ZFYVE26: variants seen among roughly 807,000 people sequenced by gnomAD.
The protein encoded by ZFYVE26 is zinc finger FYVE domain-containing protein 26.
In ZFYVE26, 181 loss-of-function variants were observed where a neutral mutation model predicts 276.5. The ratio of observed to expected loss-of-function variants is 0.65; its 90% CI spans 0.58 to 0.74. The LOEUF (loss-of-function observed/expected upper bound fraction) is 0.74, where lower values mean the gene tolerates loss of function less well. ZFYVE26 is among the 30% of genes least tolerant of loss of function. ZFYVE26 has a pLI of 0.00. For synonymous variants in ZFYVE26, 1,129 were observed against 1,203.1 expected (o/e 0.94, Z 1.27); for missense variants, 2,821 against 3,097.9 (o/e 0.91, Z 2.12).
At chr14:67,749,036 T>C (rs1594878673) in intron 41 of ZFYVE26, among the ~76,000 whole-genome samples, 2 of 152,170 alleles carry the variant, frequency 1.3e-5, no homozygotes, top group East Asian at 3.9e-4. Context: ...TGGTTATGCC[T>C]GTCTCCTTGA....
intron 28 of ZFYVE26, among the ~76,000 whole-genome samples, chr14:67,770,647 C>T (rs2039185606): frequency 6.6e-6 from 1 of 152,042 alleles, no homozygotes; most frequent in African/African-American, 2.4e-5. Flanking sequence ...CCAAGCTCAT[C>T]AGGTTATTGT....
At chr14:67,790,912 G>A (rs2039797660) in intron 14 of ZFYVE26, 139 bp from the exon 15 acceptor site, 1 of 773,448 alleles carries the variant, frequency 1.3e-6, no homozygotes, top group East Asian at 2.6e-5. Flanking sequence ...AGCACTGAAT[G>A]TTAGAAGAGC....
In ZFYVE26 at chr14:67,815,992, A is replaced by G; in HGVS notation, c.-29T>C. On this transcript the variant is annotated 5_prime_UTR_variant, in exon 2 of 42. Coordinates refer to ENST00000347230, the MANE Select transcript of ZFYVE26 (RefSeq NM_015346.4). ...CCCAGCACAGAGTGCAGGGAGATAC[A>G]AAGAAATGAGTTATGCCGAACACAT... is the stretch of plus-strand genomic sequence containing the variant. The G allele has an allele frequency of 4.4e-6, 7 of 1,575,728 alleles. No homozygotes were observed. Among genetic ancestry groups the G allele is most frequent in the African/African-American group, 1.4e-5 (1 of 73,990 alleles).
intron 33 of ZFYVE26, 39 bp downstream of exon 33, chr14:67,762,633 G>C (rs1002453667): frequency 1.9e-6 from 3 of 1,610,606 alleles, no homozygotes; most frequent in Non-Finnish European, 2.5e-6. Context: ...ACTTGCTACA[G>C]TGGGGTGGAA....
At chr14:67,778,327 C>T (rs2039404817) in intron 23 of ZFYVE26, 79 bp from the exon 24 acceptor site, 2 of 1,594,030 alleles carry the variant, frequency 1.3e-6, no homozygotes, top group South Asian at 1.1e-5. Flanking sequence ...CTACAAAGCC[C>T]CAGGAATGTT....
intron 39 of ZFYVE26, among the ~76,000 whole-genome samples, chr14:67,752,850 G>A (rs1260203703): frequency 2.0e-5 from 3 of 152,156 alleles, no homozygotes; most frequent in Non-Finnish European, 4.4e-5. Flanking sequence ...TTGGGGGATG[G>A]TATTTGCTGC....
intron 13 of ZFYVE26, among the ~76,000 whole-genome samples, chr14:67,734,822 C>G (rs1203828811): frequency 6.6e-6 from 1 of 152,192 alleles, no homozygotes; most frequent in Non-Finnish European, 1.5e-5. Flanking sequence ...CTGCGTTATC[C>G]CCATCTCCTT....
At chr14:67,759,350 G>C (rs1023175631) in intron 35 of ZFYVE26, among the ~76,000 whole-genome samples, 1 of 151,712 alleles carries the variant, frequency 6.6e-6, no homozygotes, top group Non-Finnish European at 1.5e-5. Flanking sequence ...ATGGTGGCCA[G>C]GCGCGGTGGC....
At chr14:67,774,139 G>A (rs1043780682) in intron 27 of ZFYVE26, among the ~76,000 whole-genome samples, 1 of 152,162 alleles carries the variant, frequency 6.6e-6, no homozygotes, top group Admixed American at 6.5e-5. Flanking sequence ...GCAAACACAT[G>A]CGGTCATGAA....
At chr14:67,761,634 GCA>G in intron 34 of ZFYVE26, 50 bp from the exon 35 acceptor site, 1 of 1,526,652 alleles carries the variant, frequency 6.6e-7, no homozygotes, top group Non-Finnish European at 9.0e-7. Context: ...AAAGTTCTCA[GCA>G]GGCACTGAAA....
At position 67,793,809 on chromosome 14, in the gene ZFYVE26, G is replaced by C. The variant is rs745548587; in HGVS notation, c.2402-50C>G. On this transcript the variant is annotated intron_variant, in intron 13 of 41. Transcript: ENST00000347230. ...GGCCAGAGAAGCAAGAGGAATTAAG[G>C]AAATGCTATATTGCTGCCACCTCCC... is the stretch of plus-strand genomic sequence containing the variant. The C allele has an allele frequency of 3.7e-6, 6 of 1,611,518 alleles. No individual in the cohort carries two copies. In the East Asian group the frequency reaches 1.3e-4, roughly 36 times the overall value.
chr14:67,764,503 G>A (rs1306510225), intron 32 of ZFYVE26, among the ~76,000 whole-genome samples: 1 of 152,112 alleles, frequency 6.6e-6, no homozygotes, highest in African/African-American at 2.4e-5. Context: ...ACAGACAAGA[G>A]CCACTGCACC....
At chr14:67,752,076 A>G (rs2140180635) in intron 40 of ZFYVE26, among the ~76,000 whole-genome samples, 1 of 152,332 alleles carries the variant, frequency 6.6e-6, no homozygotes, top group South Asian at 2.1e-4. Flanking sequence ...AATTGCAGGA[A>G]GAAGCTCAAC....
intron 13 of ZFYVE26, among the ~76,000 whole-genome samples, chr14:67,732,567 A>G (rs1161241863): frequency 2.6e-5 from 4 of 151,442 alleles, no homozygotes; most frequent in African/African-American, 9.7e-5. Context: ...ACAGAAAGCA[A>G]CTAAATGATA....
At chr14:67,730,068 T>C (rs1222823693) in intron 13 of ZFYVE26, among the ~76,000 whole-genome samples, 2 of 152,252 alleles carry the variant, frequency 1.3e-5, no homozygotes, top group African/African-American at 2.4e-5. Context: ...TAATAGCTAA[T>C]GTTGCTTGAG....
intron 24 of ZFYVE26, 57 bp from the exon 25 acceptor site, chr14:67,777,792 C>T: frequency 6.3e-7 from 1 of 1,598,274 alleles, no homozygotes; most frequent in Admixed American, 1.7e-5. Context: ...CTTAGACCAG[C>T]TTTGTTTTGT....
At chr14:67,752,927 A>G (rs2038687190) in intron 39 of ZFYVE26, among the ~76,000 whole-genome samples, 1 of 152,104 alleles carries the variant, frequency 6.6e-6, no homozygotes, top group Admixed American at 6.5e-5. Context: ...CATTCACTGA[A>G]AGACTCATTT....
chr14:67,743,779 G>T (rs576381660), downstream of ZFYVE26, among the ~76,000 whole-genome samples: 4 of 152,142 alleles, frequency 2.6e-5, no homozygotes, highest in African/African-American at 9.6e-5. Flanking sequence ...GTGTCAAGAG[G>T]GAATAGCTAG....
chr14:67,783,407 GGGA>G lies in ZFYVE26; in HGVS notation c.3742_3744del (p.Ser1248del). 6.2e-7 allele frequency: 1 copy of G among 1,614,220 alleles called. No individual in the cohort carries two copies. The highest frequency in any genetic ancestry group is 8.5e-7 in the Non-Finnish European group (1 of 1,180,046). On this transcript the variant is annotated inframe_deletion, in exon 21 of 42. Transcript: ENST00000347230. ...GCCAGAGTACCCAGACGAGTCAGGA[GGGA>G]GGAGGTCTGCTGGCTTTGCCGGGAT...
Sources: gnomAD v4.1 joint callset for allele counts (sites outside exome capture counted in the v4.1 genomes callset) on GRCh38, gnomAD v4.1.1 for gene constraint, MANE v1.5 for transcripts, NCBI Gene and HGNC (gene_info 2026-07-23, HGNC 2026-07-21) for gene names.